The following ZBTB20 variants were observed in gnomAD, a reference collection of about 807,000 sequenced individuals.
ZBTB20 encodes zinc finger and BTB domain-containing protein 20.
A neutral mutation model predicts 56.9 loss-of-function variants in ZBTB20; 9 were observed. The ratio of observed to expected loss-of-function variants is 0.16; its 90% CI spans 0.10 to 0.28. The LOEUF (loss-of-function observed/expected upper bound fraction) is 0.28, where lower values mean the gene tolerates loss of function less well. Among genes scored for constraint, ZBTB20 ranks in the 10% least tolerant of loss-of-function variants. ZBTB20 has a pLI of 1.00. For synonymous variants in ZBTB20, 417 were observed against 420.7 expected (o/e 0.99, Z 0.11); for missense variants, 655 against 1,003.0 (o/e 0.65, Z 4.69).
At chr3:114,653,803 A>G (rs902304670) in intron 6 of ZBTB20, among the ~76,000 whole-genome samples, 1 of 151,972 alleles carries the variant, frequency 6.6e-6, no homozygotes, top group African/African-American at 2.4e-5. Flanking sequence ...TCTTTAATCA[A>G]TAAAGGAATA....
intron 3 of ZBTB20, among the ~76,000 whole-genome samples, chr3:114,929,784 T>C (rs1374647575): frequency 1.3e-5 from 2 of 152,202 alleles, no homozygotes; most frequent in Non-Finnish European, 2.9e-5. Flanking sequence ...GAAAAGGCAA[T>C]ATAAGTGAAT....
chr3:114,725,176 C>T (rs956827955), intron 5 of ZBTB20, among the ~76,000 whole-genome samples: 2 of 152,166 alleles, frequency 1.3e-5, no homozygotes, highest in South Asian at 4.1e-4. Flanking sequence ...AGTCAGAATT[C>T]AGTTAGATGA....
intron 7 of ZBTB20, among the ~76,000 whole-genome samples, chr3:114,490,811 A>G (rs1323866658): frequency 6.6e-6 from 1 of 152,242 alleles, no homozygotes; most frequent in Non-Finnish European, 1.5e-5. Flanking sequence ...CAGAGAGTAG[A>G]TATTTTTTGA....
chr3:114,619,507 T>A (rs71321416), intron 6 of ZBTB20, among the ~76,000 whole-genome samples: 209 of 152,148 alleles, frequency 1.4e-3, no homozygotes, highest in East Asian at 2.7e-3. Flanking sequence ...GTTTTTTTTT[T>A]AAATTGTTTA....
chr3:114,947,490 T>A (rs2076923036), intron 3 of ZBTB20, among the ~76,000 whole-genome samples: 1 of 146,252 alleles, frequency 6.8e-6, no homozygotes. Flanking sequence ...AAGAATGGAA[T>A]CACATCTTTT....
At chr3:114,829,588 T>C (rs1314526225) in intron 4 of ZBTB20, among the ~76,000 whole-genome samples, 1 of 151,906 alleles carries the variant, frequency 6.6e-6, no homozygotes, top group Non-Finnish European at 1.5e-5. Context: ...TGTTCTAATT[T>C]TTCTATTGGA....
chr3:114,882,874 G>A (rs949921883), intron 4 of ZBTB20, among the ~76,000 whole-genome samples: 9 of 152,160 alleles, frequency 5.9e-5, no homozygotes, highest in Admixed American at 3.3e-4. Context: ...AACCCTGTGA[G>A]CACATTTTAA....
At chr3:114,927,759 A>T in intron 3 of ZBTB20, among the ~76,000 whole-genome samples, 1 of 152,216 alleles carries the variant, frequency 6.6e-6, no homozygotes, top group East Asian at 1.9e-4. Flanking sequence ...AAGCACATTC[A>T]CCTTATAGAT....
intron 6 of ZBTB20, among the ~76,000 whole-genome samples, chr3:114,523,788 T>C (rs1476343103): frequency 6.6e-6 from 1 of 152,094 alleles, no homozygotes; most frequent in East Asian, 1.9e-4. Context: ...AAGTTGAGCG[T>C]AAGGATGGGG....
chr3:114,426,474 T>C (rs781672663), intron 7 of ZBTB20, among the ~76,000 whole-genome samples: 3 of 152,080 alleles, frequency 2.0e-5, no homozygotes, highest in Non-Finnish European at 4.4e-5. Context: ...TTGTGAATTA[T>C]AGACTCCCAG....
chr3:114,769,384 C>T (rs2069014206), intron 5 of ZBTB20, among the ~76,000 whole-genome samples: 1 of 151,404 alleles, frequency 6.6e-6, no homozygotes, highest in South Asian at 2.1e-4. Flanking sequence ...TATATACACA[C>T]ACTATCATAC....
intron 6 of ZBTB20, among the ~76,000 whole-genome samples, chr3:114,513,919 CA>C (rs77125827): frequency 0.044 from 5,007 of 113,120 alleles, 94 homozygotes; most frequent in Middle Eastern, 0.062. Flanking sequence ...GACAGGGAGA[CA>C]AAAAAAAAAA....
At chr3:114,530,644 T>C (rs2047738358) in intron 6 of ZBTB20, among the ~76,000 whole-genome samples, 1 of 152,210 alleles carries the variant, frequency 6.6e-6, no homozygotes, top group Non-Finnish European at 1.5e-5. Flanking sequence ...GAAGTGCTTT[T>C]AGTTACATAG....
intron 2 of ZBTB20, among the ~76,000 whole-genome samples, chr3:114,977,618 T>G (rs1308718609): frequency 6.6e-6 from 1 of 152,116 alleles, no homozygotes; most frequent in African/African-American, 2.4e-5. Flanking sequence ...TGTTCTCTAA[T>G]TCTTATCAGT....
At chr3:114,844,086 A>G (rs2074526925) in intron 4 of ZBTB20, among the ~76,000 whole-genome samples, 1 of 151,958 alleles carries the variant, frequency 6.6e-6, no homozygotes, top group Non-Finnish European at 1.5e-5. Flanking sequence ...GTGAATGGAT[A>G]AACAAATTAT....
At chr3:114,872,616 C>G (rs1269677874) in intron 4 of ZBTB20, among the ~76,000 whole-genome samples, 1 of 150,858 alleles carries the variant, frequency 6.6e-6, no homozygotes, top group African/African-American at 2.4e-5. Flanking sequence ...TAACAAGAGT[C>G]ATGAAGCCTA....
At chr3:114,986,187 G>A (rs1433075564) in intron 2 of ZBTB20, among the ~76,000 whole-genome samples, 5 of 151,922 alleles carry the variant, frequency 3.3e-5, no homozygotes, top group African/African-American at 4.8e-5. Flanking sequence ...AAAAGATTAC[G>A]GGAAAACTGA....
rs191325974 is a variant in ZBTB20 at position 114,730,928 on chromosome 3, G to A, written c.-342-37353C>T. On this transcript the variant is annotated intron_variant, in intron 5 of 11. Coordinates refer to ENST00000675478, the MANE Select transcript of ZBTB20 (RefSeq NM_001348800.3). ...ATTCAAGAAATGTCCCAAGAGACAA[G>A]GATTCAATAAGTGGCATAACTGAGA... 4.4e-3 allele frequency among the ~76,000 whole-genome samples: 666 copies of A among 152,210 alleles called. 1 individual carries two copies. Among genetic ancestry groups the A allele is most frequent in the South Asian group, 0.015 (71 of 4,814 alleles).
intron 4 of ZBTB20, among the ~76,000 whole-genome samples, chr3:114,899,943 TA>T (rs1039397721): frequency 1.3e-5 from 2 of 151,288 alleles, no homozygotes; most frequent in African/African-American, 4.9e-5. Context: ...AGCAGCAAAA[TA>T]AAAAAAAGTT....
Sources: gnomAD v4.1 joint callset for allele counts (sites outside exome capture counted in the v4.1 genomes callset) on GRCh38, gnomAD v4.1.1 for gene constraint, MANE v1.5 for transcripts, NCBI Gene and HGNC (gene_info 2026-07-23, HGNC 2026-07-21) for gene names.